EXOC6B: variants seen among roughly 807,000 people sequenced by gnomAD.
The protein encoded by EXOC6B is SEC15 homolog B.
Under a neutral mutation model 113.5 loss-of-function variants are expected in EXOC6B, and 54 were observed. The observed-to-expected ratio is 0.48, with a 90% CI of 0.38 to 0.60. The LOEUF (loss-of-function observed/expected upper bound fraction) is 0.60. Among genes scored for constraint, EXOC6B ranks in the 20% least tolerant of loss-of-function variants. The pLI, the probability that EXOC6B is intolerant of heterozygous loss-of-function variation, is 0.00. For synonymous variants in EXOC6B, 357 were observed against 339.0 expected, an observed-to-expected ratio of 1.05 and a Z score of -0.58; for missense variants, 797 against 977.5, an observed-to-expected ratio of 0.82 and a Z score of 2.46.
chr2:72,418,733 T>C (rs1276602057), intron 18 of EXOC6B, among the ~76,000 whole-genome samples: 1 of 152,170 alleles, frequency 6.6e-6, no homozygotes, highest in Admixed American at 6.5e-5. Flanking sequence ...AGATAGCCCA[T>C]AATTGGACCA....
intron 20 of EXOC6B, among the ~76,000 whole-genome samples, chr2:72,298,613 G>A (rs573260685): frequency 1.3e-5 from 2 of 152,310 alleles, no homozygotes; most frequent in South Asian, 4.1e-4. Flanking sequence ...TGTTTTTGCA[G>A]TGGCTGGTAC....
At chr2:72,569,232 T>G (rs917550416) in intron 7 of EXOC6B, among the ~76,000 whole-genome samples, 2 of 152,134 alleles carry the variant, frequency 1.3e-5, no homozygotes, top group African/African-American at 4.8e-5. Context: ...GGTATTGGGA[T>G]TAAGTGATGG....
At chr2:72,821,483 A>G (rs1686579124) in intron 1 of EXOC6B, among the ~76,000 whole-genome samples, 1 of 152,150 alleles carries the variant, frequency 6.6e-6, no homozygotes, top group African/African-American at 2.4e-5. Flanking sequence ...ATACTCAACA[A>G]AAATGAAAAC....
chr2:72,814,437 A>C (rs1298675387), intron 1 of EXOC6B, among the ~76,000 whole-genome samples: 3 of 152,236 alleles, frequency 2.0e-5, no homozygotes, highest in African/African-American at 7.2e-5. Flanking sequence ...TTCAAAGTGC[A>C]TGTCAATATG....
At chr2:72,584,345 A>G (rs1474908188) in intron 6 of EXOC6B, among the ~76,000 whole-genome samples, 1 of 152,210 alleles carries the variant, frequency 6.6e-6, no homozygotes, top group East Asian at 1.9e-4. Flanking sequence ...CAAAACAAAA[A>G]AAAGCACAGG....
intron 6 of EXOC6B, among the ~76,000 whole-genome samples, chr2:72,685,841 C>A (rs1462355559): frequency 6.6e-6 from 1 of 152,120 alleles, no homozygotes; most frequent in Non-Finnish European, 1.5e-5. Context: ...CTTTTTGAGA[C>A]AATCAGGAAC....
Position 72,645,579 on chromosome 2 carries a change from C to CA in EXOC6B, c.670-69912dup, listed in dbSNP as rs1298470278. 7.2e-5 allele frequency among the ~76,000 whole-genome samples: 11 copies of CA among 152,002 alleles called. No individual in the cohort carries two copies. The East Asian group carries it at 9.7e-4, about 13-fold the overall frequency. ...AGCAAATATAAAAGAACAGAAATCA[C>CA]AAAAAAACTGTCTTTCAGACCACAG... On this transcript the variant is annotated intron_variant, in intron 6 of 21. Transcript: ENST00000272427.
At chr2:72,588,992 A>T (rs1705757759) in intron 6 of EXOC6B, among the ~76,000 whole-genome samples, 1 of 152,048 alleles carries the variant, frequency 6.6e-6, no homozygotes, top group Admixed American at 6.6e-5. Flanking sequence ...ATTTCTTCAT[A>T]GGAAAGTAAA....
At chr2:72,347,495 A>G (rs540823934) in intron 19 of EXOC6B, among the ~76,000 whole-genome samples, 159 of 152,324 alleles carry the variant, frequency 1.0e-3, no homozygotes, top group African/African-American at 3.7e-3. Context: ...GTGAAAATCA[A>G]TTCTCTAGAA....
At chr2:72,640,055 T>C (rs187194224) in intron 6 of EXOC6B, among the ~76,000 whole-genome samples, 13 of 152,100 alleles carry the variant, frequency 8.5e-5, no homozygotes, top group Non-Finnish European at 1.8e-4. Context: ...AGAATATGGA[T>C]AGGAATGAAG....
intron 18 of EXOC6B, among the ~76,000 whole-genome samples, chr2:72,410,615 C>A (rs1038575929): frequency 6.6e-6 from 1 of 152,188 alleles, no homozygotes; most frequent in Non-Finnish European, 1.5e-5. Flanking sequence ...AAAAATCACA[C>A]ACCACATGTT....
chr2:72,409,832 C>T lies in EXOC6B; in HGVS notation c.1981-29962G>A, dbSNP rs183364686. Among the ~76,000 whole-genome samples the T allele has an allele frequency of 7.1e-4, 108 of 151,980 alleles. 1 individual carries two copies. In the East Asian group the frequency reaches 0.015, roughly 21 times the overall value. ...TGTATACATATGTAACAAACCTGCA[C>T]GTTGTGCACATGTACCCTAAAACTT... On this transcript the variant is annotated intron_variant, in intron 18 of 21. Coordinates refer to ENST00000272427, the MANE Select transcript of EXOC6B (RefSeq NM_015189.3).
In EXOC6B at chr2:72,515,785, G is replaced by A. The variant is rs575983952; in HGVS notation, c.916-659C>T. 3.7e-5 allele frequency: 35 copies of A among 949,542 alleles called. No homozygotes were observed. In the African/African-American group the frequency reaches 6.0e-4, roughly 16 times the overall value. 58.8% of individuals were successfully genotyped at this position (949,542 alleles called of 1,614,324 possible). On this transcript the variant is annotated intron_variant, in intron 8 of 21. Coordinates refer to ENST00000272427, the MANE Select transcript of EXOC6B (RefSeq NM_015189.3). ...TTTCTCCAAATTCATGTCCTTCGTGGAACTTCAGAATGCAACCATATTTGG... is the reference window on the plus strand; with the variant it reads ...TTTCTCCAAATTCATGTCCTTCGTGAAACTTCAGAATGCAACCATATTTGG...
chr2:72,514,990 G>A lies in EXOC6B; in HGVS notation c.999+53C>T, dbSNP rs368090381. The stretch of plus-strand genomic sequence containing the variant: ...ACACACACACACACACGCATCAAAA[G>A]ACATCAAGGAGGAAAAGTAAAAATG... On this transcript the variant is annotated intron_variant, in intron 9 of 21. Transcript: ENST00000272427. 4.1e-6 allele frequency: 6 copies of A among 1,459,080 alleles called. No individual in the cohort carries two copies. The African/African-American group carries it at 8.5e-5, about 21-fold the overall frequency. The allele number at this position is 1,459,080 out of a possible 1,614,324, so 90.4% of individuals were successfully genotyped here.
At chr2:72,326,178 C>T (rs1375068581) in intron 20 of EXOC6B, among the ~76,000 whole-genome samples, 3 of 152,088 alleles carry the variant, frequency 2.0e-5, no homozygotes, top group Non-Finnish European at 4.4e-5. Flanking sequence ...TTCATTCAAC[C>T]AGTACCACTA....
intron 1 of EXOC6B, among the ~76,000 whole-genome samples, chr2:72,753,864 C>G (rs1420580365): frequency 1.3e-5 from 2 of 152,322 alleles, no homozygotes; most frequent in African/African-American, 2.4e-5. Context: ...CAAAACTCAA[C>G]TCTTTCCTAA....
intron 6 of EXOC6B, among the ~76,000 whole-genome samples, chr2:72,609,006 G>A (rs1271180063): frequency 6.6e-6 from 1 of 152,068 alleles, no homozygotes; most frequent in Non-Finnish European, 1.5e-5. Context: ...CTGGAATCTA[G>A]ATGAGTCCCA....
chr2:72,438,551 G>A (rs1394528681), intron 18 of EXOC6B, among the ~76,000 whole-genome samples: 1 of 152,176 alleles, frequency 6.6e-6, no homozygotes, highest in Non-Finnish European at 1.5e-5. Flanking sequence ...TGAGGTTGCA[G>A]CAATCTGTGA....
At chr2:72,366,084 A>G (rs1434203770) in intron 19 of EXOC6B, among the ~76,000 whole-genome samples, 2 of 152,174 alleles carry the variant, frequency 1.3e-5, no homozygotes, top group South Asian at 2.1e-4. Flanking sequence ...ATGCAAAGAA[A>G]CAGGACAATA....
Sources: allele counts gnomAD v4.1 joint callset (sites outside exome capture counted in the v4.1 genomes callset), GRCh38; gene constraint gnomAD v4.1.1; transcripts MANE v1.5; gene names NCBI Gene and HGNC (gene_info 2026-07-23, HGNC 2026-07-21).